The following CDC27 variants were observed in gnomAD, a reference collection of about 807,000 sequenced individuals.
The protein encoded by CDC27 is cell division cycle 27, also known as cell division cycle protein 27 homolog.
A neutral mutation model predicts 109.7 loss-of-function variants in CDC27; 27 were observed. The ratio of observed to expected loss-of-function variants is 0.25; its 90% confidence interval spans 0.18 to 0.34. The LOEUF (loss-of-function observed/expected upper bound fraction) is 0.34. CDC27 is among the 10% of genes least tolerant of loss of function. The probability of loss-of-function intolerance (pLI) is 1.00; values close to 1 mark genes in which losing one functional copy is unlikely to be tolerated. For synonymous variants in CDC27, 266 were observed against 333.9 expected (o/e 0.80, Z 2.22); for missense variants, 579 against 960.2 (o/e 0.60, Z 5.25).
intron 14 of CDC27, among the ~76,000 whole-genome samples, chr17:47,133,022 TATATATACACACAC>T (rs1281223863): frequency 2.9e-4 from 12 of 41,542 alleles, no homozygotes; most frequent in Non-Finnish European, 4.5e-4. Context: ...TATATATATA[TATATATACACACAC>T]ACACACACAC....
Position 47,157,091 on chromosome 17 carries a change from A to G in CDC27, c.664T>C (p.Ser222Pro), listed in dbSNP as rs1598503345. Residue 222 changes from serine (S) to proline (P), a missense_variant, in exon 7 of 19, where the codon TCA (serine) becomes CCA (proline). By Grantham distance (74) the Ser-to-Pro change is moderately conservative. Transcript: ENST00000066544. ...LNRLNLESSN[S>P]KYSLNTDSSV... ...GAATCTGTATTCAAGGAGTACTTTGAATTGGAAGATTCTAAATTCAATCTG... is the reference window on the plus strand; with the variant it reads ...GAATCTGTATTCAAGGAGTACTTTGGATTGGAAGATTCTAAATTCAATCTG... 1 of 1,586,614 alleles carries G rather than the reference A, an allele frequency of 6.3e-7. No homozygotes were observed. Among genetic ancestry groups the G allele is most frequent in the Non-Finnish European group, 8.6e-7 (1 of 1,167,540 alleles).
In CDC27 at chr17:47,117,902, G is replaced by C. The variant is rs1404102731; in HGVS notation, c.*3033C>G. 6.6e-6 allele frequency: 1 copy of C among 151,972 alleles called. No individual in the cohort carries two copies. The highest frequency in any genetic ancestry group is 1.5e-5 in the Non-Finnish European group (1 of 68,006). The allele number at this position is 151,972 out of a possible 1,614,324, so 9.4% of individuals were successfully genotyped here. The stretch of plus-strand genomic sequence containing the variant: ...ATACAGATGGCACAGCTTTCATATA[G>C]CTTTAACAACTTGATTATAAATTGC... On this transcript the variant is annotated 3_prime_UTR_variant, in exon 19 of 19. Coordinates refer to ENST00000066544, the MANE Select transcript of CDC27 (RefSeq NM_001256.6).
At chr17:47,177,110 G>A (rs1393634604) in intron 2 of CDC27, among the ~76,000 whole-genome samples, 1 of 152,136 alleles carries the variant, frequency 6.6e-6, no homozygotes, top group Admixed American at 6.5e-5. Flanking sequence ...AAGACAGGTA[G>A]AAAATTGGTG....
chr17:47,132,139 C>T, intron 15 of CDC27, 118 bp downstream of exon 15: 1 of 592,252 alleles, frequency 1.7e-6, no homozygotes, highest in Non-Finnish European at 3.0e-6. Flanking sequence ...GTGTAATAGG[C>T]TCCAGAATAC....
In CDC27 at chr17:47,154,796, G is replaced by A; in HGVS notation, c.843-10C>T. 7.1e-7 allele frequency: 1 copy of A among 1,402,380 alleles called. No individual in the cohort carries two copies. The highest frequency in any genetic ancestry group is 2.3e-5 in the East Asian group (1 of 43,582). 86.9% of individuals were successfully genotyped at this position (1,402,380 alleles called of 1,614,324 possible). A position where few individuals can be genotyped will look rare whatever the true frequency, so the allele number is the denominator to read the frequency against. On this transcript the variant is annotated splice_polypyrimidine_tract_variant and intron_variant, in intron 7 of 18. Transcript: ENST00000066544. ...TGGCAAAATCCCAAAACTGAGAAGA[G>A]GTTGAAATCAAGGTGTCAAAAAGTC...
At chr17:47,185,967 A>G (rs1002152165) in intron 1 of CDC27, among the ~76,000 whole-genome samples, 4 of 152,240 alleles carry the variant, frequency 2.6e-5, no homozygotes, top group African/African-American at 9.6e-5. Flanking sequence ...CAGTGGTTAG[A>G]AGCCAGGGAT....
At chr17:47,136,107 A>G (rs1017687557) in intron 14 of CDC27, among the ~76,000 whole-genome samples, 3 of 152,084 alleles carry the variant, frequency 2.0e-5, no homozygotes, top group Non-Finnish European at 4.4e-5. Flanking sequence ...GCGCCACTGC[A>G]CTCCAACCTG....
intron 14 of CDC27, among the ~76,000 whole-genome samples, chr17:47,135,762 G>A (rs1423321898): frequency 6.6e-6 from 1 of 151,146 alleles, no homozygotes; most frequent in East Asian, 2.0e-4. Context: ...CAAAATAGCT[G>A]AACAGACAAT....
At chr17:47,137,042 C>G in intron 14 of CDC27, 110 bp downstream of exon 14, 1 of 547,988 alleles carries the variant, frequency 1.8e-6, no homozygotes, top group Non-Finnish European at 3.1e-6. Context: ...TGTACCATCC[C>G]TAAGTATAAG....
chr17:47,133,068 C>T (rs1203410739), intron 14 of CDC27, among the ~76,000 whole-genome samples: 25 of 76,312 alleles, frequency 3.3e-4, no homozygotes, highest in East Asian at 2.3e-3. Context: ...CATATACACA[C>T]ACACACACAC....
intron 16 of CDC27, among the ~76,000 whole-genome samples, chr17:47,128,586 T>A (rs2062221776): frequency 6.6e-6 from 1 of 152,098 alleles, no homozygotes; most frequent in South Asian, 2.1e-4. Context: ...ACATTTATTA[T>A]ATTTTGTGAT....
intron 13 of CDC27, 32 bp from the exon 14 acceptor site, chr17:47,137,392 A>G (rs1488091728): frequency 7.2e-7 from 1 of 1,392,394 alleles, no homozygotes. Context: ...ACCAAACAGA[A>G]TTAAAATTTT....
intron 12 of CDC27, among the ~76,000 whole-genome samples, chr17:47,141,398 T>C (rs1245722313): frequency 6.6e-6 from 1 of 152,122 alleles, no homozygotes; most frequent in Non-Finnish European, 1.5e-5. Flanking sequence ...TTAATTAAAA[T>C]CCAAAGAGTA....
chr17:47,130,303 T>G (rs1341333522), intron 15 of CDC27, among the ~76,000 whole-genome samples: 1 of 151,834 alleles, frequency 6.6e-6, no homozygotes, highest in Non-Finnish European at 1.5e-5. Flanking sequence ...GAGGTTGCAG[T>G]GAGCCAAGAT....
At chr17:47,175,773 G>A (rs1455086566) in intron 2 of CDC27, among the ~76,000 whole-genome samples, 1 of 152,120 alleles carries the variant, frequency 6.6e-6, no homozygotes, top group Non-Finnish European at 1.5e-5. Context: ...CTGAGATCAC[G>A]CCACTGCACT....
intron 16 of CDC27, among the ~76,000 whole-genome samples, 171 bp downstream of exon 16, chr17:47,129,222 C>T (rs2062242189): frequency 6.6e-6 from 1 of 152,166 alleles, no homozygotes; most frequent in Admixed American, 6.6e-5. Context: ...ACACACCTAT[C>T]CTTCCTATGA....
chr17:47,181,336 A>C (rs1295967764), intron 2 of CDC27: 1 of 266,326 alleles, frequency 3.8e-6, no homozygotes, highest in Admixed American at 5.4e-5. Flanking sequence ...AGATTGAAAA[A>C]TGATTAAGTA....
chr17:47,178,519 G>C (rs2064101309), intron 2 of CDC27, among the ~76,000 whole-genome samples: 1 of 143,816 alleles, frequency 7.0e-6, no homozygotes, highest in African/African-American at 2.6e-5. Context: ...TGGGTGACAG[G>C]CTATCTCAAA....
At chr17:47,172,920 G>C (rs887015777) in intron 2 of CDC27, among the ~76,000 whole-genome samples, 7 of 152,278 alleles carry the variant, frequency 4.6e-5, no homozygotes, top group African/African-American at 1.7e-4. Context: ...GATCTTCTAA[G>C]CCAGTGGTTC....
Sources: allele counts gnomAD v4.1 joint callset (sites outside exome capture counted in the v4.1 genomes callset), GRCh38; gene constraint gnomAD v4.1.1; transcripts MANE v1.5; gene names NCBI Gene and HGNC (gene_info 2026-07-23, HGNC 2026-07-21).